OR10J1: variants seen among roughly 807,000 people sequenced by gnomAD.
OR10J1 encodes the protein olfactory receptor family 10 subfamily J member 1.
For missense variants in OR10J1, 474 were observed against 376.6 expected, an observed-to-expected ratio of 1.26 and a Z score of -2.14; for synonymous variants, 202 against 143.8, an observed-to-expected ratio of 1.40 and a Z score of -2.89.
the OR10J1 span, among the ~76,000 whole-genome samples, chr1:159,430,316 C>T: frequency 5.5e-3 from 837 of 152,132 alleles, 14 homozygotes; most frequent in Non-Finnish European, 5.8e-3. Context: ...CATCTCCATC[C>T]CAGATTGTGA....
At chr1:159,409,628 C>G in the OR10J1 span, among the ~76,000 whole-genome samples, 1 of 152,060 alleles carries the variant, frequency 6.6e-6, no homozygotes, top group Non-Finnish European at 1.5e-5. Flanking sequence ...AACCACTTAA[C>G]TTTACATGTA....
chr1:159,400,977 T>A, the OR10J1 span, among the ~76,000 whole-genome samples: 3 of 151,862 alleles, frequency 2.0e-5, no homozygotes, highest in African/African-American at 7.3e-5. Context: ...TTGGAAAATA[T>A]ACAAATACAT....
At chr1:159,424,022 C>T in the OR10J1 span, among the ~76,000 whole-genome samples, 1 of 152,002 alleles carries the variant, frequency 6.6e-6, no homozygotes. Context: ...CAAGACCAGC[C>T]TGGCCAAGAT....
chr1:159,412,450 C>T, the OR10J1 span, among the ~76,000 whole-genome samples: 2 of 149,844 alleles, frequency 1.3e-5, no homozygotes, highest in Non-Finnish European at 3.0e-5. Context: ...TACAAGGCTA[C>T]AGTAACCAAA....
At chr1:159,398,994 A>C in the OR10J1 span, among the ~76,000 whole-genome samples, 1 of 152,136 alleles carries the variant, frequency 6.6e-6, no homozygotes, top group Non-Finnish European at 1.5e-5. Flanking sequence ...TTTAATAATC[A>C]AACTTCCAAA....
the OR10J1 span, among the ~76,000 whole-genome samples, chr1:159,409,623 C>A: frequency 2.6e-5 from 4 of 152,054 alleles, no homozygotes; most frequent in Admixed American, 6.6e-5. Context: ...TAATTAACCA[C>A]TTAACTTTAC....
the OR10J1 span, among the ~76,000 whole-genome samples, chr1:159,430,792 T>C: frequency 6.6e-6 from 1 of 152,110 alleles, no homozygotes; most frequent in Non-Finnish European, 1.5e-5. Context: ...TTGCCTGCTA[T>C]GTATCAGGAA....
At chr1:159,436,086 T>C (rs955963497), upstream of OR10J1, among the ~76,000 whole-genome samples, 1 of 152,148 alleles carries the variant, frequency 6.6e-6, no homozygotes, top group African/African-American at 2.4e-5. Flanking sequence ...TTTTGCCAGA[T>C]ACCACATTTT....
At chr1:159,398,402 A>C in the OR10J1 span, among the ~76,000 whole-genome samples, 2 of 152,246 alleles carry the variant, frequency 1.3e-5, no homozygotes, top group African/African-American at 2.4e-5. Context: ...TTACCAAATT[A>C]ACTAAATAAG....
At chr1:159,429,261 T>C in the OR10J1 span, among the ~76,000 whole-genome samples, 2 of 152,344 alleles carry the variant, frequency 1.3e-5, no homozygotes, top group East Asian at 3.9e-4. Flanking sequence ...CTGTATTCCA[T>C]GTTCCTAGCA....
the OR10J1 span, among the ~76,000 whole-genome samples, chr1:159,409,019 A>T: frequency 6.6e-6 from 1 of 152,076 alleles, no homozygotes; most frequent in Admixed American, 6.6e-5. Context: ...ATTTTCCAAA[A>T]CACAAATGAT....
At chr1:159,433,293 A>C (rs1655638662), upstream of OR10J1, among the ~76,000 whole-genome samples, 1 of 152,158 alleles carries the variant, frequency 6.6e-6, no homozygotes, top group Non-Finnish European at 1.5e-5. Flanking sequence ...AAAAGAAAGA[A>C]AAATATTAAT....
chr1:159,414,078 C>A, the OR10J1 span, among the ~76,000 whole-genome samples: 1 of 151,922 alleles, frequency 6.6e-6, no homozygotes, highest in Non-Finnish European at 1.5e-5. Flanking sequence ...CAGTATTTAT[C>A]ATTTCTATGT....
At chr1:159,424,838 G>A in the OR10J1 span, among the ~76,000 whole-genome samples, 1 of 152,046 alleles carries the variant, frequency 6.6e-6, no homozygotes, top group East Asian at 1.9e-4. Context: ...CAAAATACTT[G>A]AAAAATATAA....
chr1:159,423,854 T>C, the OR10J1 span, among the ~76,000 whole-genome samples: 2 of 152,168 alleles, frequency 1.3e-5, no homozygotes, highest in Non-Finnish European at 2.9e-5. Flanking sequence ...TTGCTGTCAA[T>C]ACAAGAAACA....
chr1:159,417,977 T>G, the OR10J1 span, among the ~76,000 whole-genome samples: 8 of 152,204 alleles, frequency 5.3e-5, no homozygotes, highest in African/African-American at 1.9e-4. Flanking sequence ...ATTATGCCCC[T>G]GCCCCAGAGA....
chr1:159,398,310 T>C, the OR10J1 span, among the ~76,000 whole-genome samples: 1 of 152,182 alleles, frequency 6.6e-6, no homozygotes, highest in African/African-American at 2.4e-5. Context: ...AAGATTACAA[T>C]ACATACATTA....
the OR10J1 span, among the ~76,000 whole-genome samples, chr1:159,411,392 T>C: frequency 6.6e-6 from 1 of 152,186 alleles, no homozygotes; most frequent in African/African-American, 2.4e-5. Flanking sequence ...CTGTATTGGG[T>C]GCATATATAT....
chr1:159,398,263 CCTTCT>C, the OR10J1 span, among the ~76,000 whole-genome samples: 1 of 152,174 alleles, frequency 6.6e-6, no homozygotes, highest in Non-Finnish European at 1.5e-5. Flanking sequence ...ATCTGGAAAG[CCTTCT>C]CAAGGATGGC....
Sources: gnomAD v4.1 joint callset for allele counts (sites outside exome capture counted in the v4.1 genomes callset) on GRCh38, gnomAD v4.1.1 for gene constraint, MANE v1.5 for transcripts, NCBI Gene and HGNC (gene_info 2026-07-23, HGNC 2026-07-21) for gene names.